The following ASTN2 variants were observed in gnomAD, a reference collection of about 807,000 sequenced individuals.
ASTN2 encodes astrotactin 2.
A neutral mutation model predicts 139.8 loss-of-function variants in ASTN2; 54 were observed. The ratio of observed to expected loss-of-function variants is 0.39; its 90% CI spans 0.31 to 0.48. The LOEUF is 0.48. Ranked by LOEUF, ASTN2 falls within the 20% of genes least tolerant of loss-of-function variation. ASTN2 has a pLI of 0.95. For missense variants in ASTN2, 1,565 were observed against 1,725.1 expected (o/e 0.91, Z 1.64); for synonymous variants, 756 against 719.5 (o/e 1.05, Z -0.81).
intron 4 of ASTN2, among the ~76,000 whole-genome samples, chr9:117,140,945 G>C (rs1182788681): frequency 6.6e-6 from 1 of 152,136 alleles, no homozygotes; most frequent in Middle Eastern, 3.2e-3. Flanking sequence ...GCAGACCCCT[G>C]TTTCTGGCTC....
intron 19 of ASTN2, among the ~76,000 whole-genome samples, chr9:116,520,750 C>T (rs1850835447): frequency 1.3e-5 from 2 of 152,080 alleles, no homozygotes; most frequent in African/African-American, 4.8e-5. Flanking sequence ...ACCTAAAAAA[C>T]TCTAAAGACT....
chr9:117,212,064 A>G (rs1291985084), intron 3 of ASTN2, among the ~76,000 whole-genome samples: 1 of 152,224 alleles, frequency 6.6e-6, no homozygotes, highest in Non-Finnish European at 1.5e-5. Context: ...GCATAAAAAC[A>G]GACACATACA....
intron 3 of ASTN2, among the ~76,000 whole-genome samples, chr9:117,143,562 A>G (rs1254140624): frequency 2.6e-5 from 4 of 152,256 alleles, no homozygotes; most frequent in Non-Finnish European, 4.4e-5. Context: ...CAGAATTTAC[A>G]GAAAAAAACA....
intron 19 of ASTN2, among the ~76,000 whole-genome samples, chr9:116,599,579 G>A (rs1248108603): frequency 6.6e-6 from 1 of 152,146 alleles, no homozygotes; most frequent in Non-Finnish European, 1.5e-5. Context: ...AATGTGTTTT[G>A]AGAAACACTG....
At chr9:116,645,675 AG>A (rs1235210615) in intron 17 of ASTN2, among the ~76,000 whole-genome samples, 1 of 152,202 alleles carries the variant, frequency 6.6e-6, no homozygotes, top group Non-Finnish European at 1.5e-5. Context: ...TCTCATACAG[AG>A]GAACTTCCAC....
intron 5 of ASTN2, among the ~76,000 whole-genome samples, chr9:117,080,998 C>G (rs1105891): frequency 0.14 from 21,696 of 152,178 alleles, 2,205 homozygotes; most frequent in East Asian, 0.4. Context: ...AGCTCTCCAG[C>G]ATTTTAGCTC....
At chr9:117,319,835 C>A (rs1047961654) in intron 1 of ASTN2, among the ~76,000 whole-genome samples, 2 of 152,114 alleles carry the variant, frequency 1.3e-5, no homozygotes, top group African/African-American at 4.8e-5. Flanking sequence ...GAGATCTGCA[C>A]ATGAAGGCGG....
rs965318168 is a variant in ASTN2, at chr9:117,374,536, G to T, written c.442+39961C>A. ...AATTAATTCAAATGGACTGGGAGAGGCTGCATAGCTGCAAGGCTTGAAAAT... is the reference window on the plus strand; with the variant it reads ...AATTAATTCAAATGGACTGGGAGAGTCTGCATAGCTGCAAGGCTTGAAAAT... On this transcript the variant is annotated intron_variant, in intron 1 of 22. Transcript: ENST00000313400. 3.9e-5 allele frequency among the ~76,000 whole-genome samples: 6 copies of T among 152,288 alleles called. No individual in the cohort carries two copies. In the South Asian group the frequency reaches 1.2e-3, roughly 32 times the overall value.
chr9:116,460,179 T>C (rs560272669), intron 20 of ASTN2, among the ~76,000 whole-genome samples: 2 of 152,164 alleles, frequency 1.3e-5, no homozygotes, highest in Non-Finnish European at 2.9e-5. Context: ...ATTCCACTTA[T>C]ATGAAATGTC....
intron 1 of ASTN2, among the ~76,000 whole-genome samples, chr9:117,410,762 C>G (rs1366562136): frequency 2.0e-5 from 3 of 152,130 alleles, no homozygotes; most frequent in Non-Finnish European, 4.4e-5. Context: ...GCCTTCCTTC[C>G]CTGATGCTAC....
chr9:116,800,452 C>A (rs139272518), intron 13 of ASTN2, among the ~76,000 whole-genome samples: 76 of 152,238 alleles, frequency 5.0e-4, no homozygotes, highest in African/African-American at 1.7e-3. Context: ...CAGGAAATAT[C>A]ACCACATGCT....
chr9:116,721,892 A>G (rs1321018969), intron 16 of ASTN2, among the ~76,000 whole-genome samples: 1 of 152,164 alleles, frequency 6.6e-6, no homozygotes, highest in African/African-American at 2.4e-5. Context: ...TTTTTGCCCT[A>G]TTACAGGGAA....
At chr9:116,915,696 G>A (rs1315355395) in intron 10 of ASTN2, among the ~76,000 whole-genome samples, 1 of 152,080 alleles carries the variant, frequency 6.6e-6, no homozygotes, top group East Asian at 1.9e-4. Context: ...GTGCCTGGAG[G>A]GTGGTGCACC....
At chr9:116,618,587 T>A in intron 18 of ASTN2, 115 bp from the exon 19 acceptor site, 1 of 1,280,810 alleles carries the variant, frequency 7.8e-7, no homozygotes, top group Non-Finnish European at 1.1e-6. Flanking sequence ...AAATCTTGAT[T>A]CCACCCATGA....
chr9:116,986,584 G>C (rs928783418), intron 7 of ASTN2, among the ~76,000 whole-genome samples: 2 of 152,188 alleles, frequency 1.3e-5, no homozygotes, highest in African/African-American at 4.8e-5. Flanking sequence ...AACCCAGAGG[G>C]ATAACTACCT....
At chr9:116,755,778 AGC>A (rs1314982863) in intron 13 of ASTN2, among the ~76,000 whole-genome samples, 2 of 152,228 alleles carry the variant, frequency 1.3e-5, no homozygotes, top group African/African-American at 4.8e-5. Context: ...GTTGGCCCTA[AGC>A]GCCATCATGT....
intron 2 of ASTN2, among the ~76,000 whole-genome samples, chr9:117,217,145 A>G (rs2133028717): frequency 6.6e-6 from 1 of 152,262 alleles, no homozygotes; most frequent in South Asian, 2.1e-4. Flanking sequence ...AAAGATGGTG[A>G]GGGTGCATGA....
chr9:117,044,458 C>G (rs894353403), intron 5 of ASTN2, among the ~76,000 whole-genome samples: 3 of 152,254 alleles, frequency 2.0e-5, no homozygotes, highest in Admixed American at 6.5e-5. Flanking sequence ...GCAACCGGAC[C>G]TGGCAGAAAC....
intron 19 of ASTN2, among the ~76,000 whole-genome samples, chr9:116,533,459 C>A (rs1851458379): frequency 6.6e-6 from 1 of 152,170 alleles, no homozygotes; most frequent in Non-Finnish European, 1.5e-5. Flanking sequence ...GGGAATGCTT[C>A]CAGTTTTTGT....
Sources: gnomAD v4.1 joint callset for allele counts (sites outside exome capture counted in the v4.1 genomes callset) on GRCh38, gnomAD v4.1.1 for gene constraint, MANE v1.5 for transcripts, NCBI Gene and HGNC (gene_info 2026-07-23, HGNC 2026-07-21) for gene names.